PGS1: variants seen among roughly 807,000 people sequenced by gnomAD.
PGS1 encodes phosphatidylglycerophosphate synthase 1.
Under a neutral mutation model 58.3 loss-of-function variants are expected in PGS1, and 44 were observed. That is an observed-to-expected ratio of 0.75 (90% CI 0.59 to 0.97). The LOEUF (loss-of-function observed/expected upper bound fraction) is 0.97. PGS1 is among the 50% of genes least tolerant of loss of function. The pLI is 0.00. For synonymous variants in PGS1, 330 were observed against 311.0 expected, an observed-to-expected ratio of 1.06 and a Z score of -0.64; for missense variants, 684 against 731.1, an observed-to-expected ratio of 0.94 and a Z score of 0.74.
chr17:78,386,981 G>GA (rs1567940590), intron 1 of PGS1, among the ~76,000 whole-genome samples: 20 of 111,510 alleles, frequency 1.8e-4, no homozygotes, highest in African/African-American at 7.7e-4. Flanking sequence ...GATGATGATG[G>GA]TGATGATGGT....
intron 6 of PGS1, among the ~76,000 whole-genome samples, chr17:78,402,334 A>C (rs936028686): frequency 1.8e-4 from 27 of 152,246 alleles, no homozygotes; most frequent in African/African-American, 6.0e-4. Flanking sequence ...TTTATCAGAC[A>C]ATCAACTTTG....
Position 78,424,109 on chromosome 17 carries a change from G to A in PGS1, c.*59G>A. 1.2e-6 allele frequency: 2 copies of A among 1,613,714 alleles called. No individual in the cohort carries two copies. The highest frequency in any genetic ancestry group is 2.2e-5 in the East Asian group (1 of 44,884). ...GGCATGGCCGGGGTCAGCTCTTTCA[G>A]CCGCGCTTCAGCGATGACTCCAGTC... On this transcript the variant is annotated 3_prime_UTR_variant, in exon 10 of 10. Coordinates refer to ENST00000262764, the MANE Select transcript of PGS1 (RefSeq NM_024419.5).
At chr17:78,391,487 C>CT (rs528480749) in intron 1 of PGS1, among the ~76,000 whole-genome samples, 9 of 151,640 alleles carry the variant, frequency 5.9e-5, no homozygotes, top group African/African-American at 9.7e-5. Context: ...GCCCAGGTAA[C>CT]TTTTTTTTGA....
chr17:78,392,114 C>T (rs566053396), intron 1 of PGS1, among the ~76,000 whole-genome samples: 131 of 152,250 alleles, frequency 8.6e-4, no homozygotes, highest in Middle Eastern at 3.4e-3. Context: ...TTCATTAGAA[C>T]GTTGCCATGT....
chr17:78,417,228 TA>T (rs1249819408), intron 8 of PGS1, among the ~76,000 whole-genome samples: 3 of 152,192 alleles, frequency 2.0e-5, no homozygotes, highest in African/African-American at 4.8e-5. Flanking sequence ...TCTGGTAATT[TA>T]GTTGCAATCT....
Position 78,378,679 on chromosome 17 carries a change from C to T in PGS1, c.14C>T (p.Ala5Val), listed in dbSNP as rs553284568. Residue 5 changes from alanine (A) to valine (V), a missense_variant, in exon 1 of 10, where the codon GCG (alanine) becomes GTG (valine). Coordinates refer to ENST00000262764, the MANE Select transcript of PGS1 (RefSeq NM_024419.5). ...CGGCGAGTCTCCATGGCGGTGGCGG[C>T]GGCAGCTGCGGCGGGACCCGTGTTC... Reference protein sequence around the residue: MAVAAAAAAGPVFWR... With the variant: MAVAVAAAAGPVFWR... 4 of 1,531,612 alleles carry T rather than the reference C, an allele frequency of 2.6e-6. No homozygotes were observed. The highest frequency in any genetic ancestry group is 2.0e-5 in the Admixed American group (1 of 50,466). The allele number at this position is 1,531,612 out of a possible 1,614,324, so 94.9% of individuals were successfully genotyped here. A position where few individuals can be genotyped will look rare whatever the true frequency, so the allele number is the denominator to read the frequency against.
At chr17:78,419,963 C>CG in intron 9 of PGS1, 2 of 1,190,388 alleles carry the variant, frequency 1.7e-6, no homozygotes, top group Non-Finnish European at 2.1e-6. Context: ...TCTCCCTTCC[C>CG]AGGGGGTCCT....
At chr17:78,381,298 A>T (rs1039827964) in intron 1 of PGS1, among the ~76,000 whole-genome samples, 8 of 152,180 alleles carry the variant, frequency 5.3e-5, no homozygotes, top group African/African-American at 1.9e-4. Flanking sequence ...TTTCTCTGGG[A>T]CAACAGTTCA....
Position 78,424,197 on chromosome 17 carries a change from G to T in PGS1, c.*147G>T. 1 of 1,569,852 alleles carries T rather than the reference G, an allele frequency of 6.4e-7. No individual in the cohort carries two copies. ...TGAGGGTCAGGTGTGCTGCCAGTAA[G>T]TGAGGGAGGGGCTGGCAGGAAGGGT... On this transcript the variant is annotated 3_prime_UTR_variant, in exon 10 of 10. Transcript: ENST00000262764.
In PGS1 at chr17:78,378,789, C is replaced by T; in HGVS notation, c.124C>T (p.Arg42Trp). Reference sequence around the variant, plus strand: ...CCTGTCCGACCGCCTCGGCAGGAACCGGGACCGCCAGCGCAGGAGGTGAGA... The same window carrying T: ...CCTGTCCGACCGCCTCGGCAGGAACTGGGACCGCCAGCGCAGGAGGTGAGA... ...GRLSDRLGRN[R>W]DRQRRRSPWL... Residue 42 changes from arginine to tryptophan, a missense_variant, in exon 1 of 10, where the codon CGG becomes TGG. Coordinates refer to ENST00000262764, the MANE Select transcript of PGS1 (RefSeq NM_024419.5). 1.4e-6 allele frequency: 2 copies of T among 1,478,938 alleles called. No homozygotes were observed. Among genetic ancestry groups the T allele is most frequent in the African/African-American group, 1.5e-5 (1 of 68,164 alleles). The allele number at this position is 1,478,938 out of a possible 1,614,324, so 91.6% of individuals were successfully genotyped here.
At chr17:78,390,331 AGG>A (rs1183269289) in intron 1 of PGS1, among the ~76,000 whole-genome samples, 59 of 95,408 alleles carry the variant, frequency 6.2e-4, no homozygotes, top group African/African-American at 2.0e-3. Context: ...GGGGTGGGGG[AGG>A]AACAGCTGTT....
intron 6 of PGS1, 115 bp from the exon 7 acceptor site, chr17:78,403,453 T>G (rs1217737285): frequency 6.3e-6 from 7 of 1,117,400 alleles, no homozygotes; most frequent in Non-Finnish European, 9.1e-6. Flanking sequence ...GAGTGTTCAG[T>G]GAACATCCAG....
intron 9 of PGS1, among the ~76,000 whole-genome samples, chr17:78,422,493 G>A (rs969554753): frequency 6.6e-6 from 1 of 152,232 alleles, no homozygotes; most frequent in Admixed American, 6.5e-5. Flanking sequence ...CCTAATGGGT[G>A]TGTTTGCCTT....
rs559553582 is a variant in PGS1, at chr17:78,393,047, G to A, written c.333+382G>A. Among the ~76,000 whole-genome samples, 16 of 150,294 alleles carry A rather than the reference G, an allele frequency of 1.1e-4. No individual in the cohort carries two copies. The South Asian group carries it at 3.0e-3, about 28-fold the overall frequency. ...GTACTGGCCACTGTGTGCGGCCACG[G>A]GCCTAGACTTCGATTCTTTTTTTTT... is the stretch of plus-strand genomic sequence containing the variant. On this transcript the variant is annotated intron_variant, in intron 2 of 9. Transcript: ENST00000262764.
intron 7 of PGS1, among the ~76,000 whole-genome samples, chr17:78,406,097 A>G (rs531962607): frequency 6.6e-6 from 1 of 152,290 alleles, no homozygotes; most frequent in South Asian, 2.1e-4. Flanking sequence ...CAGGCAGATC[A>G]TGAGGTCAGG....
chr17:78,415,558 G>T (rs1387496190), intron 8 of PGS1, among the ~76,000 whole-genome samples: 1 of 152,248 alleles, frequency 6.6e-6, no homozygotes, highest in Non-Finnish European at 1.5e-5. Flanking sequence ...CTTGAACCTA[G>T]GAAGCAGAGG....
intron 8 of PGS1, among the ~76,000 whole-genome samples, chr17:78,416,824 T>A (rs2085232718): frequency 6.6e-6 from 1 of 152,154 alleles, no homozygotes; most frequent in Non-Finnish European, 1.5e-5. Context: ...GCTGCTCTCC[T>A]GAGCCCTACA....
rs62080361 is a variant in PGS1, at chr17:78,386,963, A to G, written c.144-5513A>G. On this transcript the variant is annotated intron_variant, in intron 1 of 9. Transcript: ENST00000262764. ...TTAGATGGTGATGATGGTGATGATGATGATGATGATGATGATGGTGATGAT... is the reference window on the plus strand; with the variant it reads ...TTAGATGGTGATGATGGTGATGATGGTGATGATGATGATGATGGTGATGAT... 6.3e-5 allele frequency among the ~76,000 whole-genome samples: 9 copies of G among 142,230 alleles called. 1 individual carries two copies. Among genetic ancestry groups the G allele is most frequent in the East Asian group, 2.0e-4 (1 of 4,900 alleles). 93.3% of individuals were successfully genotyped at this position (142,230 alleles called of 152,430 possible).
At chr17:78,384,228 G>A (rs2082223747) in intron 1 of PGS1, among the ~76,000 whole-genome samples, 1 of 152,194 alleles carries the variant, frequency 6.6e-6, no homozygotes, top group African/African-American at 2.4e-5. Context: ...GACTTGTTAT[G>A]GGAGTTCAGC....
Sources: gnomAD v4.1 joint callset for allele counts (sites outside exome capture counted in the v4.1 genomes callset) on GRCh38, gnomAD v4.1.1 for gene constraint, MANE v1.5 for transcripts, NCBI Gene and HGNC (gene_info 2026-07-23, HGNC 2026-07-21) for gene names.